The following LRRFIP1 variants were observed in gnomAD, a reference collection of about 807,000 sequenced individuals.
LRRFIP1 encodes the protein leucine-rich repeat flightless-interacting protein 1.
In LRRFIP1, 62 loss-of-function variants were observed where a neutral mutation model predicts 104.4. The observed-to-expected ratio is 0.59, with a 90% CI of 0.48 to 0.73. The LOEUF is 0.73. Ranked by LOEUF, LRRFIP1 falls within the 30% of genes least tolerant of loss-of-function variation. The pLI is 0.00. For missense variants in LRRFIP1, 796 were observed against 824.5 expected, an observed-to-expected ratio of 0.97 and a Z score of 0.42; for synonymous variants, 300 against 299.0, an observed-to-expected ratio of 1.00 and a Z score of -0.03.
intron 1 of LRRFIP1, among the ~76,000 whole-genome samples, chr2:237,659,878 A>C (rs1265611970): frequency 6.6e-6 from 1 of 152,012 alleles, no homozygotes; most frequent in African/African-American, 2.4e-5. Flanking sequence ...GCCTCAAGCA[A>C]TCCTCTCCCC....
At chr2:237,630,086 T>C (rs1316494186) in intron 1 of LRRFIP1, among the ~76,000 whole-genome samples, 1 of 152,150 alleles carries the variant, frequency 6.6e-6, no homozygotes, top group Non-Finnish European at 1.5e-5. Flanking sequence ...TGGGTAAATA[T>C]GAGAGCTTCT....
chr2:237,770,859 A>G (rs2060557347), intron 20 of LRRFIP1: 1 of 152,130 alleles, frequency 6.6e-6, no homozygotes. Flanking sequence ...TGATTAAATC[A>G]CTCTACAACC....
intron 1 of LRRFIP1, among the ~76,000 whole-genome samples, chr2:237,706,492 G>A (rs767898513): frequency 1.3e-5 from 2 of 152,186 alleles, no homozygotes; most frequent in Non-Finnish European, 2.9e-5. Flanking sequence ...ATGGCACAGA[G>A]CCACCTGCCT....
At chr2:237,772,357 A>C in intron 21 of LRRFIP1, 159 bp downstream of exon 21, 1 of 597,062 alleles carries the variant, frequency 1.7e-6, no homozygotes. Flanking sequence ...GTAGGTAGAC[A>C]GAACAATGGT....
At chr2:237,716,957 C>G (rs978528694) in intron 3 of LRRFIP1, among the ~76,000 whole-genome samples, 1 of 152,156 alleles carries the variant, frequency 6.6e-6, no homozygotes, top group African/African-American at 2.4e-5. Context: ...CCCAGAATGG[C>G]TATGAATGCA....
intron 1 of LRRFIP1, among the ~76,000 whole-genome samples, chr2:237,655,617 A>G (rs544252484): frequency 1.6e-3 from 237 of 152,338 alleles, no homozygotes; most frequent in Non-Finnish European, 2.8e-3. Flanking sequence ...GGGAAGATTG[A>G]CTACATCTCC....
intron 1 of LRRFIP1, among the ~76,000 whole-genome samples, chr2:237,632,013 T>G (rs2082406728): frequency 6.6e-6 from 1 of 152,228 alleles, no homozygotes; most frequent in Non-Finnish European, 1.5e-5. Flanking sequence ...CCCGGCTGCT[T>G]CACCGGCCCC....
chr2:237,774,670 A>G (rs1319504518), intron 23 of LRRFIP1, among the ~76,000 whole-genome samples: 3 of 152,270 alleles, frequency 2.0e-5, no homozygotes, highest in East Asian at 1.9e-4. Flanking sequence ...GCTGGCATCA[A>G]CTAGTTCATC....
chr2:237,627,633 G>A lies in LRRFIP1; in HGVS notation c.-12G>A, dbSNP rs570777554. The A allele has an allele frequency of 1.7e-4, 221 of 1,304,352 alleles. 2 individuals are homozygous for A. The African/African-American group carries it at 3.1e-3, about 18-fold the overall frequency. 80.8% of individuals were successfully genotyped at this position (1,304,352 alleles called of 1,614,324 possible). The stretch of plus-strand genomic sequence containing the variant: ...GCAACGGGCCCCGCGGCAGCTGCGG[G>A]CGACGCGGTCGATGGACATGGGCAC... On this transcript the variant is annotated 5_prime_UTR_variant, in exon 1 of 24. Coordinates refer to ENST00000308482, the MANE Select transcript of LRRFIP1 (RefSeq NM_001137550.2).
rs2061423169 is a variant in LRRFIP1 at position 237,781,289 on chromosome 2, C to G, written c.*1757C>G. Among the ~76,000 whole-genome samples, 1 of 152,230 alleles carries G rather than the reference C, an allele frequency of 6.6e-6. No individual in the cohort carries two copies. On this transcript the variant is annotated 3_prime_UTR_variant, in exon 24 of 24. Coordinates refer to ENST00000308482, the MANE Select transcript of LRRFIP1 (RefSeq NM_001137550.2). Reference sequence around the variant, plus strand: ...CGCTTTTAGGTATTTTTCACTCATGCAATTTTCACATATTTTCACTCATTT... The same window carrying G: ...CGCTTTTAGGTATTTTTCACTCATGGAATTTTCACATATTTTCACTCATTT...
At position 237,661,444 on chromosome 2, in the gene LRRFIP1, C is replaced by T. The variant is rs762474547; in HGVS notation, c.96+33704C>T. Among the ~76,000 whole-genome samples, 14 of 152,286 alleles carry T rather than the reference C, an allele frequency of 9.2e-5. No homozygotes were observed. Among genetic ancestry groups the T allele is most frequent in the Middle Eastern group, 6.8e-3 (2 of 294 alleles). On this transcript the variant is annotated intron_variant, in intron 1 of 23. Transcript: ENST00000308482. This position sits in a 1 kb window ranked among gnomAD's most constrained non-coding sequence, Gnocchi z 4.4. ...AAACTTTTTGTTCCCCAAAGCCCTC[C>T]AGCTGGCCGGGCTGCCCTCCCCAGA... is the stretch of plus-strand genomic sequence containing the variant.
intron 19 of LRRFIP1, chr2:237,765,262 T>TAAA (rs769156778): frequency 1.6e-3 from 199 of 124,720 alleles, no homozygotes; most frequent in Non-Finnish European, 2.7e-3. Context: ...AAACTCTGTC[T>TAAA]AAAAAAAAAA....
chr2:237,753,538 G>A, intron 15 of LRRFIP1, 59 bp downstream of exon 15: 3 of 1,412,124 alleles, frequency 2.1e-6, no homozygotes, highest in East Asian at 2.6e-5. Context: ...GCCCATGCCT[G>A]TAATTCTGGT....
At chr2:237,723,901 A>G (rs1163631787) in intron 7 of LRRFIP1, among the ~76,000 whole-genome samples, 2 of 152,262 alleles carry the variant, frequency 1.3e-5, no homozygotes, top group Non-Finnish European at 2.9e-5. Flanking sequence ...TGAAAAAGAT[A>G]GTGTCTGCCT....
chr2:237,643,801 C>T (rs1050229825), intron 1 of LRRFIP1, among the ~76,000 whole-genome samples: 1 of 152,222 alleles, frequency 6.6e-6, no homozygotes, highest in African/African-American at 2.4e-5. Flanking sequence ...TTTGGAAATT[C>T]TGATTGTTTT....
rs572250260 is a variant in LRRFIP1 at position 237,715,263 on chromosome 2, C to T, written c.201+987C>T. Among the ~76,000 whole-genome samples, 4 of 152,280 alleles carry T rather than the reference C, an allele frequency of 2.6e-5. No homozygotes were observed. The South Asian group carries it at 8.3e-4, about 32-fold the overall frequency. Reference sequence around the variant, plus strand: ...TAAGTAGATGCCAGAATCTCTTGTGCTTGACTAGTGTTTCCAGGGCCCAAG... The same window carrying T: ...TAAGTAGATGCCAGAATCTCTTGTGTTTGACTAGTGTTTCCAGGGCCCAAG... On this transcript the variant is annotated intron_variant, in intron 3 of 23. Coordinates refer to ENST00000308482, the MANE Select transcript of LRRFIP1 (RefSeq NM_001137550.2).
At chr2:237,629,399 T>C (rs908800692) in intron 1 of LRRFIP1, among the ~76,000 whole-genome samples, 2 of 151,990 alleles carry the variant, frequency 1.3e-5, no homozygotes, top group Admixed American at 6.6e-5. Context: ...TCAGTGGTTA[T>C]GGGGCAGAAG....
rs747426997 is a variant in LRRFIP1, at chr2:237,758,752, C to G, written c.1248C>G (p.Phe416Leu). The change falls in exon 18 of 24, where the codon TTC (phenylalanine) becomes TTG (leucine). Residue 416 changes from phenylalanine (F) to leucine (L), a missense_variant. Phe to Leu is a conservative substitution (Grantham distance 22). Transcript: ENST00000308482. ...KIGALERQKE[F>L]FDSVRSERDD... ...AGGCATTAGAGAGGCAGAAAGAGTTCTTTGATTCCGTAAGGAGTGAACGGG... is the reference window on the plus strand; with the variant it reads ...AGGCATTAGAGAGGCAGAAAGAGTTGTTTGATTCCGTAAGGAGTGAACGGG... 6.2e-7 allele frequency: 1 copy of G among 1,612,846 alleles called. No individual in the cohort carries two copies. The highest frequency in any genetic ancestry group is 1.1e-5 in the South Asian group (1 of 90,864).
At chr2:237,686,408 CA>C (rs1283621124) in intron 1 of LRRFIP1, among the ~76,000 whole-genome samples, 4 of 152,228 alleles carry the variant, frequency 2.6e-5, no homozygotes, top group African/African-American at 9.6e-5. Flanking sequence ...CCAATTGCTA[CA>C]GAAGTATAAA....
Sources: gnomAD v4.1 joint callset for allele counts (sites outside exome capture counted in the v4.1 genomes callset) on GRCh38, gnomAD v4.1.1 for gene constraint, Gnocchi (gnomAD v3.1) non-coding constraint, MANE v1.5 for transcripts, NCBI Gene and HGNC (gene_info 2026-07-23, HGNC 2026-07-21) for gene names.